PDGFRL: variants seen among roughly 807,000 people sequenced by gnomAD.
PDGFRL encodes the protein platelet-derived growth factor receptor-like protein.
PDGFRL carries 46 observed loss-of-function variants against 37.2 expected under a neutral mutation model. The observed-to-expected ratio is 1.24, with a 90% CI of 0.98 to 1.58. PDGFRL has a LOEUF of 1.58. Among genes scored for constraint, PDGFRL ranks in the 40% most tolerant of loss-of-function variants. The pLI is 0.00. For missense variants in PDGFRL, 692 were observed against 467.6 expected, an observed-to-expected ratio of 1.48 and a Z score of -4.43; for synonymous variants, 251 against 184.3, an observed-to-expected ratio of 1.36 and a Z score of -2.93.
chr8:17,602,025 C>A (rs567760458), intron 2 of PDGFRL, among the ~76,000 whole-genome samples: 2 of 152,108 alleles, frequency 1.3e-5, no homozygotes, highest in Non-Finnish European at 2.9e-5. Context: ...CTAAGTTCTT[C>A]AAGAAATATC....
chr8:17,579,640 C>T (rs1367232709), intron 1 of PDGFRL, among the ~76,000 whole-genome samples: 1 of 151,312 alleles, frequency 6.6e-6, no homozygotes. Flanking sequence ...AATCTTAGCT[C>T]ACTGCGACTT....
rs370278470 is a variant in PDGFRL, at chr8:17,642,738, C to T, written c.1065C>T (p.Tyr355=). ...EDFETIDAGY[Y]ICTAQNLQGQ... is the part of the protein sequence containing the mutation. ...TTGAGACGATTGATGCAGGATATTA[C>T]ATTTGCACTGCTCAGAATCTTCAAG... is the stretch of plus-strand genomic sequence containing the variant. The change falls in exon 6 of 6, where the codon TAC becomes TAT. Residue 355 remains tyrosine (Y), a synonymous_variant. Coordinates refer to ENST00000251630, the MANE Select transcript of PDGFRL (RefSeq NM_001372073.1). 115 of 1,608,466 alleles carry T rather than the reference C, an allele frequency of 7.1e-5. No individual in the cohort carries two copies. Among genetic ancestry groups the T allele is most frequent in the Admixed American group, 1.7e-5 (1 of 59,994 alleles).
intron 2 of PDGFRL, among the ~76,000 whole-genome samples, chr8:17,595,728 T>A (rs1804039009): frequency 6.6e-6 from 1 of 152,208 alleles, no homozygotes; most frequent in South Asian, 2.1e-4. Flanking sequence ...GCGGGGGTGC[T>A]GGGTACCCCA....
chr8:17,624,107 A>G (rs2237835), intron 3 of PDGFRL, among the ~76,000 whole-genome samples: 83,820 of 151,892 alleles, frequency 0.55, 25,329 homozygotes, highest in Middle Eastern at 0.69. Context: ...GATTTTTACT[A>G]TAGGGTTTGG....
chr8:17,611,730 A>G (rs1170779120), intron 2 of PDGFRL, among the ~76,000 whole-genome samples: 1 of 152,204 alleles, frequency 6.6e-6, no homozygotes, highest in Non-Finnish European at 1.5e-5. Flanking sequence ...GGGAGAAGCT[A>G]ATATTTAGAA....
At chr8:17,578,779 C>A (rs1293439636) in intron 1 of PDGFRL, among the ~76,000 whole-genome samples, 2 of 152,172 alleles carry the variant, frequency 1.3e-5, no homozygotes, top group Non-Finnish European at 2.9e-5. Context: ...TTTACCCTTT[C>A]TTTAAGTGTA....
intron 2 of PDGFRL, among the ~76,000 whole-genome samples, chr8:17,606,516 G>C (rs2517191): frequency 0.93 from 141,283 of 152,210 alleles, 66,275 homozygotes; most frequent in East Asian, 1. Context: ...ATGACAAATA[G>C]GTGACCTAAC....
chr8:17,585,367 C>G (rs1803793316), intron 1 of PDGFRL, among the ~76,000 whole-genome samples: 1 of 152,090 alleles, frequency 6.6e-6, no homozygotes, highest in South Asian at 2.1e-4. Context: ...GATGGAGTCT[C>G]TCTGGTTCGA....
intron 1 of PDGFRL, among the ~76,000 whole-genome samples, chr8:17,579,453 C>G (rs1803659113): frequency 6.6e-6 from 1 of 152,026 alleles, no homozygotes; most frequent in African/African-American, 2.4e-5. Context: ...CATCCCAAAG[C>G]ACAAATTACA....
chr8:17,612,009 C>A (rs183423499), intron 2 of PDGFRL, among the ~76,000 whole-genome samples: 1 of 152,224 alleles, frequency 6.6e-6, no homozygotes, highest in African/African-American at 2.4e-5. Flanking sequence ...GGAGGTGGCA[C>A]AGCCTCGGCA....
chr8:17,629,677 G>A (rs2237840), intron 4 of PDGFRL, among the ~76,000 whole-genome samples: 4,902 of 152,098 alleles, frequency 0.032, 323 homozygotes, highest in East Asian at 0.31. Flanking sequence ...CTTTGATATC[G>A]ACTTGGTACC....
chr8:17,610,709 A>G (rs1203147271), intron 2 of PDGFRL, among the ~76,000 whole-genome samples: 2 of 152,162 alleles, frequency 1.3e-5, no homozygotes, highest in African/African-American at 4.8e-5. Context: ...TCGGGAGCTA[A>G]AGAGCAGCCT....
intron 4 of PDGFRL, among the ~76,000 whole-genome samples, chr8:17,631,236 G>A (rs1804854981): frequency 6.6e-6 from 1 of 152,076 alleles, no homozygotes; most frequent in Admixed American, 6.5e-5. Context: ...AGGGAGGAGG[G>A]GAAATAGTTT....
At chr8:17,638,771 ATATAT>A (rs1805029520) in intron 5 of PDGFRL, among the ~76,000 whole-genome samples, 6 of 104,250 alleles carry the variant, frequency 5.8e-5, no homozygotes, top group South Asian at 5.7e-4. Context: ...ATATATATAT[ATATAT>A]ATATATATAT....
intron 3 of PDGFRL, among the ~76,000 whole-genome samples, chr8:17,628,159 C>A (rs10101454): frequency 0.17 from 24,011 of 140,698 alleles, 2,742 homozygotes; most frequent in African/African-American, 0.35. Flanking sequence ...ATGCCCGGCT[C>A]ATTTTTTGTT....
At chr8:17,608,454 G>A (rs551610374) in intron 2 of PDGFRL, among the ~76,000 whole-genome samples, 1 of 152,132 alleles carries the variant, frequency 6.6e-6, no homozygotes, top group African/African-American at 2.4e-5. Context: ...TACCCAGGTG[G>A]CTCGTGCATT....
At position 17,642,705 on chromosome 8, in the gene PDGFRL, G is replaced by A. The variant is rs754520752; in HGVS notation, c.1032G>A (p.Val344=). ...GAATCTCCCAGAGTGTCATTACAGT[G>A]GAAGACTTTGAGACGATTGATGCAG... ...TTRISQSVIT[V]EDFETIDAGY... The change falls in exon 6 of 6, where the codon GTG becomes GTA. Residue 344 remains valine (V), a synonymous_variant. Transcript: ENST00000251630. 4.4e-6 allele frequency: 7 copies of A among 1,604,172 alleles called. No individual in the cohort carries two copies. The African/African-American group carries it at 6.7e-5, about 15-fold the overall frequency.
chr8:17,591,477 C>T (rs1468498372), intron 2 of PDGFRL, among the ~76,000 whole-genome samples: 1 of 152,158 alleles, frequency 6.6e-6, no homozygotes, highest in Non-Finnish European at 1.5e-5. Flanking sequence ...TTCTCAGTTT[C>T]CTTATGTGTA....
chr8:17,581,151 G>C (rs1274210761), intron 1 of PDGFRL, among the ~76,000 whole-genome samples: 1 of 152,132 alleles, frequency 6.6e-6, no homozygotes, highest in African/African-American at 2.4e-5. Context: ...GACAGGGTGA[G>C]ACATGGAGAG....
Sources: allele counts gnomAD v4.1 joint callset (sites outside exome capture counted in the v4.1 genomes callset), GRCh38; gene constraint gnomAD v4.1.1; transcripts MANE v1.5; gene names NCBI Gene and HGNC (gene_info 2026-07-23, HGNC 2026-07-21).